The following EXOC2 variants were observed in gnomAD, a reference collection of about 807,000 sequenced individuals.
The protein encoded by EXOC2 is exocyst complex component 2.
Under a neutral mutation model 131.8 loss-of-function variants are expected in EXOC2, and 70 were observed. The ratio of observed to expected loss-of-function variants is 0.53; its 90% CI spans 0.44 to 0.65. The LOEUF is 0.65. Among genes scored for constraint, EXOC2 ranks in the 30% least tolerant of loss-of-function variants. The pLI is 0.00. For missense variants in EXOC2, 923 were observed against 1,108.6 expected (o/e 0.83, Z 2.38); for synonymous variants, 411 against 398.4 (o/e 1.03, Z -0.38).
chr6:674,173 T>C (rs917809569), intron 1 of EXOC2, among the ~76,000 whole-genome samples: 1 of 152,172 alleles, frequency 6.6e-6, no homozygotes, highest in African/African-American at 2.4e-5. Flanking sequence ...TTAGCCAAAT[T>C]TGAATCATTA....
intron 13 of EXOC2, among the ~76,000 whole-genome samples, chr6:566,263 C>CTGAA (rs1757958833): frequency 6.6e-6 from 1 of 152,074 alleles, no homozygotes; most frequent in South Asian, 2.1e-4. Context: ...TGAGAAGGAA[C>CTGAA]TGAAGTGTTT....
intron 23 of EXOC2, among the ~76,000 whole-genome samples, chr6:515,661 T>TA (rs1254019142): frequency 1.4e-5 from 2 of 147,356 alleles, no homozygotes; most frequent in Non-Finnish European, 3.0e-5. Context: ...GCTGGGGCGG[T>TA]CCTAGGAGGG....
At chr6:560,626 G>A (rs1279229501) in intron 17 of EXOC2, among the ~76,000 whole-genome samples, 3 of 152,168 alleles carry the variant, frequency 2.0e-5, no homozygotes, top group Admixed American at 2.0e-4. Flanking sequence ...GATTTAGTGT[G>A]AGGGAGAATT....
chr6:620,220 T>C (rs948858679), intron 4 of EXOC2, among the ~76,000 whole-genome samples: 2 of 152,202 alleles, frequency 1.3e-5, no homozygotes, highest in African/African-American at 2.4e-5. Context: ...TCAGGTTCCA[T>C]GCTGGGATGC....
intron 4 of EXOC2, among the ~76,000 whole-genome samples, chr6:625,501 A>G (rs374404174): frequency 6.8e-6 from 1 of 146,642 alleles, no homozygotes; most frequent in Admixed American, 6.8e-5. Flanking sequence ...ATTACGTATT[A>G]TAAGTTTGTT....
intron 11 of EXOC2, among the ~76,000 whole-genome samples, chr6:581,098 G>T (rs948919722): frequency 6.6e-6 from 1 of 151,728 alleles, no homozygotes; most frequent in Non-Finnish European, 1.5e-5. Flanking sequence ...GTTCGAGACC[G>T]GCCTGACCAA....
chr6:597,110 T>G (rs1239860704), intron 10 of EXOC2, among the ~76,000 whole-genome samples: 1 of 152,214 alleles, frequency 6.6e-6, no homozygotes, highest in African/African-American at 2.4e-5. Context: ...GTTCCCATTA[T>G]GTGATACTGT....
chr6:575,709 A>G (rs1327298411), intron 12 of EXOC2, among the ~76,000 whole-genome samples: 1 of 152,234 alleles, frequency 6.6e-6, no homozygotes, highest in Non-Finnish European at 1.5e-5. Flanking sequence ...ATAGCAACAC[A>G]AACAGACTAA....
intron 1 of EXOC2, among the ~76,000 whole-genome samples, chr6:645,588 A>T (rs941838459): frequency 2.4e-5 from 2 of 81,764 alleles, no homozygotes; most frequent in African/African-American, 7.5e-5. Flanking sequence ...AAAGGAAGCA[A>T]CCCTTTTTTT....
intron 27 of EXOC2, 41 bp downstream of exon 27, chr6:488,938 G>GCA (rs1468794644): frequency 1.3e-6 from 2 of 1,581,744 alleles, no homozygotes; most frequent in South Asian, 2.3e-5. Context: ...ACCTTGTTGA[G>GCA]CACATTCAAC....
Position 583,834 on chromosome 6 carries a change from G to A in EXOC2, c.1193-6952C>T, listed in dbSNP as rs1487205818. On this transcript the variant is annotated intron_variant, in intron 11 of 27. Coordinates refer to ENST00000230449, the MANE Select transcript of EXOC2 (RefSeq NM_018303.6). Reference sequence around the variant, plus strand: ...CCTGGAGGTCCGCCCACTGGCAGCCGTACACAGGTCACAAAGGCACCACCC... The same window carrying A: ...CCTGGAGGTCCGCCCACTGGCAGCCATACACAGGTCACAAAGGCACCACCC... Among the ~76,000 whole-genome samples, 5 of 152,158 alleles carry A rather than the reference G, an allele frequency of 3.3e-5. No homozygotes were observed. In the East Asian group the frequency reaches 7.7e-4, roughly 23 times the overall value.
chr6:641,449 C>A (rs1762349357), intron 1 of EXOC2, among the ~76,000 whole-genome samples: 1 of 152,126 alleles, frequency 6.6e-6, no homozygotes, highest in South Asian at 2.1e-4. Context: ...TCCAGAAAGA[C>A]CATGGGATTA....
intron 6 of EXOC2, among the ~76,000 whole-genome samples, chr6:615,557 G>C (rs907921766): frequency 3.9e-5 from 6 of 151,972 alleles, no homozygotes; most frequent in African/African-American, 1.4e-4. Context: ...CCAGAAACAG[G>C]CTGGGCGTGG....
intron 2 of EXOC2, among the ~76,000 whole-genome samples, chr6:634,911 T>C (rs1335567881): frequency 6.6e-6 from 1 of 152,210 alleles, no homozygotes; most frequent in Non-Finnish European, 1.5e-5. Context: ...GAAATACTGC[T>C]AACATGTCAA....
chr6:659,045 C>T (rs1763294656), intron 1 of EXOC2, among the ~76,000 whole-genome samples: 1 of 152,116 alleles, frequency 6.6e-6, no homozygotes, highest in Non-Finnish European at 1.5e-5. Context: ...CAGTTCTGTT[C>T]TTAGGGAGTT....
intron 6 of EXOC2, among the ~76,000 whole-genome samples, chr6:615,380 T>C (rs573149683): frequency 1.3e-5 from 2 of 152,100 alleles, no homozygotes; most frequent in East Asian, 3.9e-4. Context: ...CCTAAAAGTG[T>C]TGAAAGTGAA....
At chr6:606,879 CT>C (rs762610919) in intron 7 of EXOC2, among the ~76,000 whole-genome samples, 7 of 152,218 alleles carry the variant, frequency 4.6e-5, no homozygotes, top group Non-Finnish European at 1.0e-4. Flanking sequence ...TTTTGATGCA[CT>C]TTCATCTTTA....
chr6:619,375 C>T, intron 5 of EXOC2, 55 bp downstream of exon 5: 1 of 1,402,520 alleles, frequency 7.1e-7, no homozygotes, highest in African/African-American at 1.4e-5. Context: ...CGTGTAATTC[C>T]ATCTTTAGCA....
At position 486,736 on chromosome 6, in the gene EXOC2, T is replaced by TG. The variant is rs1392029129; in HGVS notation, c.2709dup (p.Lys904GlnfsTer3). ...GTGAGCTGCAAGTGCATGCTACTCTTGAACTTGTTCAGGAGCTCTTCCAGT... is the reference window on the plus strand; with the variant it reads ...GTGAGCTGCAAGTGCATGCTACTCTTGGAACTTGTTCAGGAGCTCTTCCAGT... On this transcript the variant is annotated frameshift_variant, in exon 28 of 28. Coordinates refer to ENST00000230449, the MANE Select transcript of EXOC2 (RefSeq NM_018303.6). LOFTEE classifies it high-confidence loss of function. 6.2e-7 allele frequency: 1 copy of TG among 1,614,060 alleles called. No individual in the cohort carries two copies. The highest frequency in any genetic ancestry group is 8.5e-7 in the Non-Finnish European group (1 of 1,180,032).
Sources: allele counts gnomAD v4.1 joint callset (sites outside exome capture counted in the v4.1 genomes callset), GRCh38; gene constraint gnomAD v4.1.1; transcripts MANE v1.5; gene names NCBI Gene and HGNC (gene_info 2026-07-23, HGNC 2026-07-21).